MDN1: variants seen among roughly 807,000 people sequenced by gnomAD.
MDN1 encodes midasin AAA ATPase 1, also known as midasin.
In MDN1, 266 loss-of-function variants were observed where a neutral mutation model predicts 669.2. The ratio of observed to expected loss-of-function variants is 0.40; its 90% CI spans 0.36 to 0.44. The LOEUF is 0.44. Ranked by LOEUF, MDN1 falls within the 20% of genes least tolerant of loss-of-function variation. The probability of loss-of-function intolerance (pLI) is 1.00; values close to 1 mark genes in which losing one functional copy is unlikely to be tolerated. For missense variants in MDN1, 5,940 were observed against 6,754.0 expected (o/e 0.88, Z 4.22); for synonymous variants, 2,385 against 2,457.1 (o/e 0.97, Z 0.87).
chr6:89,679,091 T>C (rs982184819), intron 74 of MDN1, among the ~76,000 whole-genome samples: 3 of 152,242 alleles, frequency 2.0e-5, no homozygotes, highest in Non-Finnish European at 4.4e-5. Context: ...TGCATTATAC[T>C]AGAAATTTAT....
intron 67 of MDN1, among the ~76,000 whole-genome samples, 197 bp from the exon 68 acceptor site, chr6:89,687,635 G>A (rs896421214): frequency 1.3e-5 from 2 of 152,164 alleles, no homozygotes; most frequent in African/African-American, 4.8e-5. Context: ...CCAGAGCCAA[G>A]TTTAGAGGCT....
chr6:89,718,658 T>C (rs769337207), intron 42 of MDN1, 31 bp from the exon 43 acceptor site: 8 of 1,610,562 alleles, frequency 5.0e-6, no homozygotes, highest in Middle Eastern at 1.7e-4. Flanking sequence ...GAACTCATCA[T>C]AGGGTCAGAG....
intron 18 of MDN1, 28 bp from the exon 19 acceptor site, chr6:89,758,379 A>G (rs1817363007): frequency 6.5e-7 from 1 of 1,548,954 alleles, no homozygotes; most frequent in Non-Finnish European, 8.8e-7. Flanking sequence ...CAAATTCTCA[A>G]CAAAGGTATG....
chr6:89,682,872 A>C (rs1811738737), intron 73 of MDN1, among the ~76,000 whole-genome samples: 1 of 150,780 alleles, frequency 6.6e-6, no homozygotes, highest in South Asian at 2.1e-4. Flanking sequence ...ATTTGAGTCC[A>C]GGAGGTTGAG....
intron 74 of MDN1, among the ~76,000 whole-genome samples, chr6:89,679,747 T>C (rs1811468155): frequency 6.6e-6 from 1 of 152,210 alleles, no homozygotes. Context: ...TGTGGTACTA[T>C]ATTAAGGCAG....
chr6:89,698,115 C>T lies in MDN1; in HGVS notation c.9168+750G>A, dbSNP rs144483740. ...AAAGGAAACTAAACCTCACTGTGGTCATCTAAGACTTCAGGACTTCCCTCT... is the reference window on the plus strand; with the variant it reads ...AAAGGAAACTAAACCTCACTGTGGTTATCTAAGACTTCAGGACTTCCCTCT... On this transcript the variant is annotated intron_variant, in intron 59 of 101. Transcript: ENST00000369393. Among the ~76,000 whole-genome samples the T allele has an allele frequency of 6.6e-5, 10 of 152,310 alleles. No homozygotes were observed. The East Asian group carries it at 1.9e-3, about 29-fold the overall frequency.
chr6:89,785,277 G>C (rs1818898876), intron 8 of MDN1, 151 bp from the exon 9 acceptor site: 3 of 592,892 alleles, frequency 5.1e-6, no homozygotes, highest in Middle Eastern at 3.9e-4. Flanking sequence ...TGGGCTTACA[G>C]GGCAGATGAC....
intron 13 of MDN1, among the ~76,000 whole-genome samples, chr6:89,773,919 C>G (rs531707393): frequency 1.3e-5 from 2 of 151,254 alleles, no homozygotes; most frequent in South Asian, 2.1e-4. Context: ...GGACCAAGAT[C>G]GCACCACTGT....
chr6:89,719,330 C>A, intron 40 of MDN1, 105 bp from the exon 41 acceptor site: 1 of 846,644 alleles, frequency 1.2e-6, no homozygotes. Context: ...ATTCTAAAAA[C>A]ACTGGCCACA....
chr6:89,688,462 T>G, intron 66 of MDN1, 111 bp downstream of exon 66: 1 of 955,136 alleles, frequency 1.0e-6, no homozygotes, highest in South Asian at 1.7e-5. Flanking sequence ...TCTTTAAGCC[T>G]TTGTTTATAT....
chr6:89,712,116 A>G lies in MDN1; in HGVS notation c.7571T>C (p.Ile2524Thr), dbSNP rs1390462473. The change falls in exon 49 of 102, where the codon ATA becomes ACA. Residue 2524 changes from isoleucine (I) to threonine (T), a missense_variant. This residue lies in a region of MDN1 where 2,292 missense variants were observed against 2,638.3 expected (regional missense o/e 0.87). Coordinates refer to ENST00000369393, the MANE Select transcript of MDN1 (RefSeq NM_014611.3). The stretch of plus-strand genomic sequence containing the variant: ...CCAATCCTGATTGGTTGCTCTTTCT[A>G]TGAGCAATTTAACAGCCATGACCAA... ...DVLVMAVKLLIERATNQDWML... is the reference protein window; with the variant it reads ...DVLVMAVKLLTERATNQDWML... The G allele has an allele frequency of 3.1e-5, 50 of 1,614,036 alleles. No homozygotes were observed. Among genetic ancestry groups the G allele is most frequent in the Middle Eastern group, 1.6e-4 (1 of 6,084 alleles).
intron 25 of MDN1, 85 bp downstream of exon 25, chr6:89,749,457 AG>A (rs1816839276): frequency 1.3e-6 from 2 of 1,592,260 alleles, no homozygotes; most frequent in Admixed American, 3.5e-5. Context: ...ATATTAAAGG[AG>A]AAGTAAAAAC....
At chr6:89,785,913 C>A (rs1008798678) in intron 8 of MDN1, among the ~76,000 whole-genome samples, 2 of 152,088 alleles carry the variant, frequency 1.3e-5, no homozygotes, top group South Asian at 4.1e-4. Flanking sequence ...GCAGGAAGAT[C>A]GCTTGAGCCC....
intron 34 of MDN1, among the ~76,000 whole-genome samples, chr6:89,731,798 G>A (rs868747276): frequency 1.7e-5 from 2 of 120,712 alleles, no homozygotes; most frequent in African/African-American, 3.2e-5. Context: ...TCATAGTACC[G>A]CCCCCCCCCC....
intron 1 of MDN1, among the ~76,000 whole-genome samples, chr6:89,816,027 CTTTTA>C (rs1768800459): frequency 6.6e-6 from 1 of 152,198 alleles, no homozygotes; most frequent in Non-Finnish European, 1.5e-5. Flanking sequence ...AAGAAAACTG[CTTTTA>C]TTTTATTAGA....
intron 83 of MDN1, among the ~76,000 whole-genome samples, chr6:89,669,569 A>C (rs1263286795): frequency 6.6e-6 from 1 of 152,178 alleles, no homozygotes; most frequent in African/African-American, 2.4e-5. Context: ...TTGTAAATTC[A>C]TATCTTCCTC....
At chr6:89,776,835 A>C (rs1818380108) in intron 11 of MDN1, 140 bp from the exon 12 acceptor site, 1 of 578,586 alleles carries the variant, frequency 1.7e-6, no homozygotes, top group African/African-American at 1.9e-5. Context: ...AGTGCAAATA[A>C]GGTACCAACC....
rs1170958928 is a variant in MDN1, at chr6:89,718,984, G to A, written c.6104C>T (p.Ser2035Phe). ...GTGCAGGAGCAACAGGGGATGGCGG[G>A]ACGGGTGAGGAACACAGCTCCCACG... The part of the protein sequence containing the change: ...LSRGSCVPHP[S>F]RHPLLLLHQS... The change falls in exon 42 of 102, where the codon TCC becomes TTC. Residue 2035 changes from serine (S) to phenylalanine (F), a missense_variant. By Grantham distance (155) the Ser-to-Phe change is radical. This residue lies in a region of MDN1 where 2,292 missense variants were observed against 2,638.3 expected (regional missense o/e 0.87). Transcript: ENST00000369393. 6.2e-7 allele frequency: 1 copy of A among 1,614,194 alleles called. No homozygotes were observed. The highest frequency in any genetic ancestry group is 2.2e-5 in the East Asian group (1 of 44,880).
rs112230150 is a variant in MDN1 at position 89,726,894 on chromosome 6, T to C, written c.5472+939A>G. On this transcript the variant is annotated intron_variant, in intron 37 of 101. Transcript: ENST00000369393. ...AAGCACCACAAAGCACAAACACTTC[T>C]GTATATTCCCAAACAGAAGGCCGCT... Among the ~76,000 whole-genome samples, 877 of 152,296 alleles carry C rather than the reference T, an allele frequency of 5.8e-3. 10 individuals carry two copies. The highest frequency in any genetic ancestry group is 0.02 in the African/African-American group (833 of 41,556).
Sources: gnomAD v4.1 joint callset for allele counts (sites outside exome capture counted in the v4.1 genomes callset) on GRCh38, gnomAD v4.1.1 for gene constraint, gnomAD v4.1.1 regional missense constraint, MANE v1.5 for transcripts, NCBI Gene and HGNC (gene_info 2026-07-23, HGNC 2026-07-21) for gene names.